The following HIPK3 variants were observed in gnomAD, a reference collection of about 807,000 sequenced individuals.
HIPK3 encodes the protein homeodomain-interacting protein kinase 3.
A neutral mutation model predicts 124.2 loss-of-function variants in HIPK3; 47 were observed. The ratio of observed to expected loss-of-function variants is 0.38; its 90% CI spans 0.30 to 0.48. HIPK3 has a LOEUF of 0.48. HIPK3 is among the 20% of genes least tolerant of loss of function. The pLI, the probability that HIPK3 is intolerant of heterozygous loss-of-function variation, is 0.98. For synonymous variants in HIPK3, 482 were observed against 515.2 expected, an observed-to-expected ratio of 0.94 and a Z score of 0.87; for missense variants, 1,286 against 1,454.3, an observed-to-expected ratio of 0.88 and a Z score of 1.88.
intron 1 of HIPK3, among the ~76,000 whole-genome samples, chr11:33,275,186 C>T (rs868404664): frequency 1.8e-4 from 27 of 151,880 alleles, no homozygotes; most frequent in African/African-American, 5.3e-4. Context: ...ATTGCAGTTG[C>T]GTGCCACCAT....
Position 33,286,365 on chromosome 11 carries a change from T to G in HIPK3, c.-2-48T>G. The G allele has an allele frequency of 2.2e-6, 3 of 1,392,412 alleles. No homozygotes were observed. In the South Asian group the frequency reaches 5.4e-5, roughly 25 times the overall value. The allele number at this position is 1,392,412 out of a possible 1,614,324, so 86.3% of individuals were successfully genotyped here. ...GAAAAAAAAATTGTTGACATTAATATTTCTTCTTTCCTTTTTTTTCTTTTC... is the reference window on the plus strand; with the variant it reads ...GAAAAAAAAATTGTTGACATTAATAGTTCTTCTTTCCTTTTTTTTCTTTTC... On this transcript the variant is annotated intron_variant, in intron 1 of 16. Coordinates refer to ENST00000303296, the MANE Select transcript of HIPK3 (RefSeq NM_005734.5).
At chr11:33,272,601 CTTTCCTT>C (rs999733502) in intron 1 of HIPK3, among the ~76,000 whole-genome samples, 134 of 152,082 alleles carry the variant, frequency 8.8e-4, no homozygotes, top group African/African-American at 2.7e-3. Context: ...GATCTTTCTC[CTTTCCTT>C]TTTCCTTTTT....
At chr11:33,300,201 C>T (rs1851957349) in intron 2 of HIPK3, among the ~76,000 whole-genome samples, 1 of 151,742 alleles carries the variant, frequency 6.6e-6, no homozygotes, top group Non-Finnish European at 1.5e-5. Flanking sequence ...CAAAAATTAG[C>T]TGGGCGTGAT....
chr11:33,337,100 G>T lies in HIPK3; in HGVS notation c.1247G>T (p.Gly416Val). 6.2e-7 allele frequency: 1 copy of T among 1,602,200 alleles called. No homozygotes were observed. Among genetic ancestry groups the T allele is most frequent in the Non-Finnish European group, 8.5e-7 (1 of 1,172,980 alleles). The change falls in exon 4 of 17, where the codon GGT becomes GTT. Residue 416 changes from glycine to valine, a missense_variant. Around this residue, in one of 3 missense-constraint regions of HIPK3, gnomAD observed 251 missense variants for 349.1 expected, o/e 0.72. Transcript: ENST00000303296. ...DQIRYISQTQ[G>V]LPGEQLLNVG... ...ATTCGATACATTTCTCAGACTCAAG[G>T]TTTGCCAGGAGAACAGTTGTTAAAT...
intron 1 of HIPK3, among the ~76,000 whole-genome samples, chr11:33,265,772 CAAAAAAAAA>C (rs55837408): frequency 3.1e-5 from 2 of 64,774 alleles, no homozygotes; most frequent in Non-Finnish European, 5.5e-5. Context: ...GACCTTGTCT[CAAAAAAAAA>C]AAAAAAAAAA....
Position 33,347,748 on chromosome 11 carries a change from CTG to C in HIPK3, c.2140_2141del (p.Trp714GlyfsTer11). On this transcript the variant is annotated frameshift_variant, in exon 10 of 17. Coordinates refer to ENST00000303296, the MANE Select transcript of HIPK3 (RefSeq NM_005734.5). LOFTEE classifies it high-confidence loss of function. ...TGGCTGGTTCACACAGGCTTGGAGA[CTG>C]GGGGTAAGCTGAAAACAAAAGTACT... ...SVAGSHRLGD[W>X]GKMISCSNHY... is the part of the protein sequence containing the mutation. 6.2e-7 allele frequency: 1 copy of C among 1,613,592 alleles called. No homozygotes were observed. The highest frequency in any genetic ancestry group is 8.5e-7 in the Non-Finnish European group (1 of 1,179,580).
intron 2 of HIPK3, among the ~76,000 whole-genome samples, chr11:33,317,395 G>A (rs900314549): frequency 2.7e-5 from 4 of 150,772 alleles, no homozygotes; most frequent in African/African-American, 9.8e-5. Context: ...CAAGTAGCTG[G>A]GACCACAGGC....
chr11:33,303,136 A>AC (rs1255424956), intron 2 of HIPK3, among the ~76,000 whole-genome samples: 1 of 151,982 alleles, frequency 6.6e-6, no homozygotes, highest in Non-Finnish European at 1.5e-5. Context: ...TGGTTCCAGG[A>AC]CCCCCCACGG....
intron 16 of HIPK3, among the ~76,000 whole-genome samples, chr11:33,352,621 T>A (rs1328928572): frequency 3.3e-5 from 5 of 152,148 alleles, no homozygotes; most frequent in African/African-American, 1.2e-4. Context: ...GATACTGGAG[T>A]TGGACGGGGA....
rs1375730645 is a variant in HIPK3 at position 33,348,598 on chromosome 11, G to A, written c.2446G>A (p.Glu816Lys). The change falls in exon 13 of 17, where the codon GAG becomes AAG. Residue 816 changes from glutamate to lysine, a missense_variant. Physicochemically the swap from Glu to Lys is moderately conservative, Grantham distance 56. Around this residue, in one of 3 missense-constraint regions of HIPK3, gnomAD observed 810 missense variants for 864.9 expected, o/e 0.94. Coordinates refer to ENST00000303296, the MANE Select transcript of HIPK3 (RefSeq NM_005734.5). Reference sequence around the variant, plus strand: ...AAAGATAATTAATGGGAAAGATGTCGAGGAAGTAAGTTGTATAGAAACACA... The same window carrying A: ...AAAGATAATTAATGGGAAAGATGTCAAGGAAGTAAGTTGTATAGAAACACA... ...SPKIINGKDV[E>K]EVSCIETQDN... 4.3e-6 allele frequency: 7 copies of A among 1,613,692 alleles called. No individual in the cohort carries two copies. The South Asian group carries it at 4.4e-5, about 10-fold the overall frequency.
At chr11:33,306,253 T>C (rs1413209254) in intron 2 of HIPK3, among the ~76,000 whole-genome samples, 2 of 152,188 alleles carry the variant, frequency 1.3e-5, no homozygotes, top group African/African-American at 4.8e-5. Flanking sequence ...ATTATACTTC[T>C]AATCTAAGGA....
At chr11:33,290,880 C>T (rs898771072) in intron 2 of HIPK3, among the ~76,000 whole-genome samples, 2 of 152,034 alleles carry the variant, frequency 1.3e-5, no homozygotes, top group Non-Finnish European at 2.9e-5. Flanking sequence ...AAATAATTTA[C>T]CCGACGTTCA....
chr11:33,297,364 G>A (rs1463300387), intron 2 of HIPK3, among the ~76,000 whole-genome samples: 1 of 152,200 alleles, frequency 6.6e-6, no homozygotes, highest in African/African-American at 2.4e-5. Flanking sequence ...AGAGAGCTGG[G>A]ATTACAGATG....
chr11:33,296,670 A>G (rs1005751181), intron 2 of HIPK3, among the ~76,000 whole-genome samples: 7 of 152,264 alleles, frequency 4.6e-5, no homozygotes, highest in East Asian at 3.9e-4. Context: ...TGATGTTACT[A>G]TTATAATCGT....
At chr11:33,314,962 T>G (rs1055677896) in intron 2 of HIPK3, among the ~76,000 whole-genome samples, 1 of 152,212 alleles carries the variant, frequency 6.6e-6, no homozygotes, top group Non-Finnish European at 1.5e-5. Flanking sequence ...TATTTTGTTA[T>G]GTCATACAAT....
intron 2 of HIPK3, 59 bp from the exon 3 acceptor site, chr11:33,328,451 G>T: frequency 1.9e-6 from 3 of 1,551,584 alleles, no homozygotes; most frequent in Non-Finnish European, 2.6e-6. Context: ...AATGCCAGTT[G>T]AAATTAGGTA....
intron 3 of HIPK3, among the ~76,000 whole-genome samples, chr11:33,331,010 A>G (rs1852964069): frequency 6.6e-6 from 1 of 151,860 alleles, no homozygotes; most frequent in Non-Finnish European, 1.5e-5. Context: ...CAGCCTCCTT[A>G]GTAGCTGGGA....
chr11:33,280,309 T>G (rs1851378724), intron 1 of HIPK3, among the ~76,000 whole-genome samples: 1 of 152,180 alleles, frequency 6.6e-6, no homozygotes. Context: ...AAAACAGTAT[T>G]TTGGACCATG....
At chr11:33,271,767 A>G (rs1241593204) in intron 1 of HIPK3, among the ~76,000 whole-genome samples, 1 of 152,174 alleles carries the variant, frequency 6.6e-6, no homozygotes, top group African/African-American at 2.4e-5. Context: ...CTTTCTTAAT[A>G]TCTTTCTTTT....
Sources: allele counts gnomAD v4.1 joint callset (sites outside exome capture counted in the v4.1 genomes callset), GRCh38; gene constraint gnomAD v4.1.1; regional missense constraint gnomAD v4.1.1; transcripts MANE v1.5; gene names NCBI Gene and HGNC (gene_info 2026-07-23, HGNC 2026-07-21).